GRM5: variants seen among roughly 807,000 people sequenced by gnomAD.
GRM5 encodes glutamate metabotropic receptor 5.
Under a neutral mutation model 83.1 loss-of-function variants are expected in GRM5, and 19 were observed. The ratio of observed to expected loss-of-function variants is 0.23; its 90% CI spans 0.16 to 0.34. GRM5 has a LOEUF of 0.34. Ranked by LOEUF, GRM5 falls within the 10% of genes least tolerant of loss-of-function variation. The probability of loss-of-function intolerance (pLI) is 1.00; values close to 1 mark genes in which losing one functional copy is unlikely to be tolerated. For synonymous variants in GRM5, 675 were observed against 633.6 expected, an observed-to-expected ratio of 1.07 and a Z score of -0.98; for missense variants, 1,160 against 1,588.3, an observed-to-expected ratio of 0.73 and a Z score of 4.58.
At chr11:88,723,033 TC>T (rs1354709441) in intron 3 of GRM5, among the ~76,000 whole-genome samples, 1 of 152,084 alleles carries the variant, frequency 6.6e-6, no homozygotes, top group Admixed American at 6.6e-5. Context: ...CTTCTCCTGC[TC>T]CCTCCTCCCT....
chr11:88,837,209 T>C (rs962017361), intron 3 of GRM5, among the ~76,000 whole-genome samples: 1 of 152,202 alleles, frequency 6.6e-6, no homozygotes, highest in Non-Finnish European at 1.5e-5. Flanking sequence ...TATCTTATAC[T>C]GTAAGGACAA....
intron 4 of GRM5, among the ~76,000 whole-genome samples, chr11:88,633,875 G>GTATCCTT (rs1939048468): frequency 6.6e-6 from 1 of 152,064 alleles, no homozygotes; most frequent in African/African-American, 2.4e-5. Flanking sequence ...TAATGACAAG[G>GTATCCTT]ATATGTTCTG....
At chr11:88,774,461 C>A (rs928507744) in intron 3 of GRM5, among the ~76,000 whole-genome samples, 1 of 152,164 alleles carries the variant, frequency 6.6e-6, no homozygotes, top group Admixed American at 6.5e-5. Flanking sequence ...TGCCTGATTG[C>A]CCTGGCCAGA....
At chr11:88,599,766 C>T (rs1937923685) in intron 5 of GRM5, among the ~76,000 whole-genome samples, 7 of 152,140 alleles carry the variant, frequency 4.6e-5, no homozygotes, top group Admixed American at 4.6e-4. Flanking sequence ...GTAATCCCAG[C>T]ACTTTGGGAG....
intron 2 of GRM5, among the ~76,000 whole-genome samples, chr11:88,875,445 C>T (rs1032733693): frequency 2.0e-5 from 3 of 151,842 alleles, no homozygotes; most frequent in Admixed American, 1.3e-4. Context: ...AGTCTTGAAC[C>T]CCTCAAAATC....
intron 3 of GRM5, among the ~76,000 whole-genome samples, chr11:88,744,405 G>A (rs1163291723): frequency 6.6e-6 from 1 of 152,166 alleles, no homozygotes. Context: ...TTGCATAATA[G>A]GCTAGTGGGG....
At chr11:88,799,785 T>TA (rs747620732) in intron 3 of GRM5, among the ~76,000 whole-genome samples, 51 of 152,310 alleles carry the variant, frequency 3.3e-4, no homozygotes, top group Non-Finnish European at 8.8e-5. Flanking sequence ...CTCCTTTTTC[T>TA]TATCCTTCAC....
At chr11:88,614,093 G>A (rs1166474394) in intron 4 of GRM5, among the ~76,000 whole-genome samples, 1 of 152,114 alleles carries the variant, frequency 6.6e-6, no homozygotes, top group African/African-American at 2.4e-5. Context: ...CACTATCAGA[G>A]TTCAGCAGTA....
intron 3 of GRM5, among the ~76,000 whole-genome samples, chr11:88,768,888 C>T (rs1357323830): frequency 6.6e-6 from 1 of 152,092 alleles, no homozygotes; most frequent in South Asian, 2.1e-4. Context: ...CCAGATGACA[C>T]CTTCACTTTA....
At chr11:89,061,593 T>G (rs1268629266) in intron 1 of GRM5, among the ~76,000 whole-genome samples, 1 of 152,248 alleles carries the variant, frequency 6.6e-6, no homozygotes, top group Non-Finnish European at 1.5e-5. Context: ...AATCAAGTAT[T>G]CCCAAAGTCT....
intron 4 of GRM5, among the ~76,000 whole-genome samples, chr11:88,606,270 C>T (rs934087221): frequency 3.9e-5 from 6 of 152,178 alleles, no homozygotes; most frequent in Non-Finnish European, 8.8e-5. Flanking sequence ...CGCCTGTAAT[C>T]CCAACACTTT....
chr11:88,938,564 T>TTG (rs398115606), intron 2 of GRM5, among the ~76,000 whole-genome samples: 1 of 150,650 alleles, frequency 6.6e-6, no homozygotes, highest in Non-Finnish European at 1.5e-5. Flanking sequence ...TTTTTTTTTT[T>TTG]AAAGAAGAAG....
intron 3 of GRM5, among the ~76,000 whole-genome samples, chr11:88,810,476 T>C (rs998848737): frequency 6.6e-6 from 1 of 151,998 alleles, no homozygotes; most frequent in African/African-American, 2.4e-5. Flanking sequence ...TGCTCATATA[T>C]AAGATTAGCA....
chr11:88,919,925 A>C (rs1207175616), intron 2 of GRM5, among the ~76,000 whole-genome samples: 1 of 152,078 alleles, frequency 6.6e-6, no homozygotes, highest in Non-Finnish European at 1.5e-5. Flanking sequence ...AGTTTATACC[A>C]ATAAGTGCCT....
intron 3 of GRM5, among the ~76,000 whole-genome samples, chr11:88,735,343 G>T (rs1016337132): frequency 6.6e-6 from 1 of 151,990 alleles, no homozygotes; most frequent in Non-Finnish European, 1.5e-5. Context: ...GCTGAAAAAT[G>T]AAATAAAACG....
intron 2 of GRM5, among the ~76,000 whole-genome samples, chr11:88,899,180 A>G (rs1945280023): frequency 1.3e-5 from 2 of 151,812 alleles, no homozygotes; most frequent in African/African-American, 4.8e-5. Flanking sequence ...TTCTTTCAGA[A>G]TATCTGCCAA....
chr11:88,591,831 T>C (rs997472886), intron 6 of GRM5, among the ~76,000 whole-genome samples: 3 of 152,242 alleles, frequency 2.0e-5, no homozygotes, highest in African/African-American at 7.2e-5. Context: ...AAATTGCTCC[T>C]TAGACCTGAT....
chr11:88,765,327 C>T lies in GRM5; in HGVS notation c.911+84579G>A, dbSNP rs545989123. On this transcript the variant is annotated intron_variant, in intron 3 of 9. Transcript: ENST00000305447. ...CAACTGTTTAAGGAAAAACTAACACCAATACTTCTCAAATTTTCCTAAAAT... is the reference window on the plus strand; with the variant it reads ...CAACTGTTTAAGGAAAAACTAACACTAATACTTCTCAAATTTTCCTAAAAT... Among the ~76,000 whole-genome samples the T allele has an allele frequency of 9.4e-4, 139 of 147,934 alleles. 2 individuals are homozygous for T. The highest frequency in any genetic ancestry group is 3.4e-3 in the Middle Eastern group (1 of 290).
intron 3 of GRM5, among the ~76,000 whole-genome samples, chr11:88,748,183 G>A (rs1942183572): frequency 6.6e-6 from 1 of 152,068 alleles, no homozygotes; most frequent in South Asian, 2.1e-4. Context: ...CGGGGCTTTG[G>A]GTCTGATAAA....
Sources: allele counts gnomAD v4.1 joint callset (sites outside exome capture counted in the v4.1 genomes callset), GRCh38; gene constraint gnomAD v4.1.1; transcripts MANE v1.5; gene names NCBI Gene and HGNC (gene_info 2026-07-23, HGNC 2026-07-21).